Variants in CDH12 observed in about 807,000 individuals in gnomAD.
The protein encoded by CDH12 is cadherin-12.
In CDH12, 41 loss-of-function variants were observed where a neutral mutation model predicts 74.1. The ratio of observed to expected loss-of-function variants is 0.55; its 90% CI spans 0.43 to 0.72. The LOEUF (loss-of-function observed/expected upper bound fraction) is 0.72. Ranked by LOEUF, CDH12 falls within the 30% of genes least tolerant of loss-of-function variation. The pLI is 0.00. For missense variants in CDH12, 945 were observed against 977.2 expected, an observed-to-expected ratio of 0.97 and a Z score of 0.44; for synonymous variants, 399 against 355.0, an observed-to-expected ratio of 1.12 and a Z score of -1.39.
intron 3 of CDH12, among the ~76,000 whole-genome samples, chr5:22,348,303 G>A (rs796608336): frequency 3.0e-4 from 45 of 152,326 alleles, no homozygotes; most frequent in Admixed American, 4.6e-4. Context: ...TGAACCCTTA[G>A]TGGTAGCAGA....
intron 1 of CDH12, among the ~76,000 whole-genome samples, chr5:22,624,061 G>C (rs1388935702): frequency 6.6e-6 from 1 of 152,088 alleles, no homozygotes. Context: ...CCAAGAAATG[G>C]GGAAAGGATT....
intron 5 of CDH12, among the ~76,000 whole-genome samples, chr5:22,065,487 C>T (rs1741493546): frequency 6.6e-6 from 1 of 152,090 alleles, no homozygotes; most frequent in African/African-American, 2.4e-5. Flanking sequence ...CCAAAGTTTG[C>T]CCACAGTAAA....
At chr5:22,527,688 A>G (rs952056244) in intron 1 of CDH12, among the ~76,000 whole-genome samples, 12 of 152,050 alleles carry the variant, frequency 7.9e-5, no homozygotes, top group African/African-American at 2.9e-4. Context: ...TGTCTTCTGG[A>G]CCCTCCCAGG....
In CDH12 at chr5:22,478,405, G is replaced by A. The variant is rs112136991; in HGVS notation, c.-428+26865C>T. On this transcript the variant is annotated intron_variant, in intron 2 of 14. Transcript: ENST00000382254. ...TGCCCTCCAGCCTGGGCGACAGAGC[G>A]AGACTCCGTCTCAAAAAAAAAAAAA... Among the ~76,000 whole-genome samples, 331 of 109,466 alleles carry A rather than the reference G, an allele frequency of 3.0e-3. 1 individual carries two copies. The highest frequency in any genetic ancestry group is 0.011 in the African/African-American group (283 of 26,752). The allele number at this position is 109,466 out of a possible 152,430, so 71.8% of individuals were successfully genotyped here. A position where few individuals can be genotyped will look rare whatever the true frequency, so the allele number is the denominator to read the frequency against.
At chr5:22,173,736 A>T (rs1197652127) in intron 4 of CDH12, among the ~76,000 whole-genome samples, 1 of 151,928 alleles carries the variant, frequency 6.6e-6, no homozygotes, top group Non-Finnish European at 1.5e-5. Flanking sequence ...TGATAGTAAA[A>T]GCACAACTAA....
rs796351594 is a variant in CDH12, at chr5:21,880,515, CTCT to C, written c.527-25728_527-25726del. Among the ~76,000 whole-genome samples the C allele has an allele frequency of 8.0e-5, 7 of 86,976 alleles. 1 individual carries two copies. Among genetic ancestry groups the C allele is most frequent in the African/African-American group, 2.5e-4 (6 of 23,594 alleles). The allele number at this position is 86,976 out of a possible 152,430, so 57.1% of individuals were successfully genotyped here. ...CCTTCCTTCCTTCCTCCCTCCCTCC[CTCT>C]TTTCTTTCTTCCTTCTTTTCCTTCC... On this transcript the variant is annotated intron_variant, in intron 6 of 14. Coordinates refer to ENST00000382254, the MANE Select transcript of CDH12 (RefSeq NM_004061.5).
chr5:22,754,330 G>A (rs983198009), intron 1 of CDH12, among the ~76,000 whole-genome samples: 4 of 152,118 alleles, frequency 2.6e-5, no homozygotes, highest in Non-Finnish European at 5.9e-5. Flanking sequence ...CTAAGTACTG[G>A]GGTAACAACC....
chr5:22,135,944 T>C (rs1255676267), intron 4 of CDH12, among the ~76,000 whole-genome samples: 2 of 151,910 alleles, frequency 1.3e-5, no homozygotes, highest in Admixed American at 6.6e-5. Context: ...TCACTGGGTA[T>C]GACGAGAATG....
intron 4 of CDH12, among the ~76,000 whole-genome samples, chr5:22,079,770 TTGAG>T (rs1445910420): frequency 1.3e-5 from 2 of 152,104 alleles, no homozygotes; most frequent in Non-Finnish European, 2.9e-5. Flanking sequence ...CTAATATTCA[TTGAG>T]TGTCTATAAC....
chr5:21,902,416 T>A (rs185373315), intron 6 of CDH12, among the ~76,000 whole-genome samples: 25 of 152,162 alleles, frequency 1.6e-4, no homozygotes, highest in Non-Finnish European at 2.5e-4. Flanking sequence ...GTGGATTAAG[T>A]ACCATGCAGA....
intron 4 of CDH12, among the ~76,000 whole-genome samples, chr5:22,122,303 T>C (rs934341986): frequency 5.3e-5 from 8 of 152,126 alleles, no homozygotes; most frequent in African/African-American, 1.9e-4. Flanking sequence ...CTTGGGAGGC[T>C]GAAGGAGGAG....
chr5:22,561,503 T>C (rs923272028), intron 1 of CDH12, among the ~76,000 whole-genome samples: 2 of 152,162 alleles, frequency 1.3e-5, no homozygotes, highest in Non-Finnish European at 2.9e-5. Flanking sequence ...CAATAAAATC[T>C]GTATTTTTTT....
chr5:22,141,817 T>C (rs1259683421), intron 4 of CDH12, among the ~76,000 whole-genome samples: 1 of 152,212 alleles, frequency 6.6e-6, no homozygotes, highest in Non-Finnish European at 1.5e-5. Context: ...TTAACACTCA[T>C]AATGCATTGC....
intron 1 of CDH12, among the ~76,000 whole-genome samples, chr5:22,578,989 A>G (rs1412880240): frequency 1.3e-5 from 2 of 152,164 alleles, no homozygotes; most frequent in Admixed American, 6.5e-5. Context: ...CTCAGCATGC[A>G]TTCTATTTCT....
chr5:21,849,092 G>A (rs950136734), intron 7 of CDH12, among the ~76,000 whole-genome samples: 12 of 151,692 alleles, frequency 7.9e-5, no homozygotes, highest in African/African-American at 1.7e-4. Flanking sequence ...CTTATATATG[G>A]TATTATTCTT....
chr5:22,059,276 TATCTATCTATCTATCTATC>T (rs1190663319), intron 5 of CDH12, among the ~76,000 whole-genome samples: 4 of 151,718 alleles, frequency 2.6e-5, no homozygotes, highest in African/African-American at 7.3e-5. Context: ...TCTATCTATC[TATCTATCTATCTATCTATC>T]ATCTATCTAT....
At chr5:22,704,579 C>G (rs191097713) in intron 1 of CDH12, among the ~76,000 whole-genome samples, 89 of 151,972 alleles carry the variant, frequency 5.9e-4, no homozygotes, top group African/African-American at 2.0e-3. Flanking sequence ...TGTTTGGCAG[C>G]TGATAAAAAA....
intron 1 of CDH12, among the ~76,000 whole-genome samples, chr5:22,631,119 A>G (rs1580834010): frequency 6.6e-6 from 1 of 152,186 alleles, no homozygotes; most frequent in South Asian, 2.1e-4. Flanking sequence ...GGTTATTACT[A>G]AAAAGTCAAA....
chr5:22,193,282 A>T (rs1750412265), intron 4 of CDH12, among the ~76,000 whole-genome samples: 1 of 152,200 alleles, frequency 6.6e-6, no homozygotes, highest in Non-Finnish European at 1.5e-5. Context: ...TCTAGGAGTA[A>T]ACATGTTCAG....
Sources: gnomAD v4.1 joint callset for allele counts (sites outside exome capture counted in the v4.1 genomes callset) on GRCh38, gnomAD v4.1.1 for gene constraint, MANE v1.5 for transcripts, NCBI Gene and HGNC (gene_info 2026-07-23, HGNC 2026-07-21) for gene names.